CCDC14: variants seen among roughly 807,000 people sequenced by gnomAD.
The protein encoded by CCDC14 is coiled-coil domain-containing protein 14.
CCDC14 carries 71 observed loss-of-function variants against 81.4 expected under a neutral mutation model. The observed-to-expected ratio is 0.87, with a 90% confidence interval of 0.72 to 1.06. The LOEUF (loss-of-function observed/expected upper bound fraction) is 1.06, where lower values mean the gene tolerates loss of function less well. Among genes scored for constraint, CCDC14 ranks in the 50% least tolerant of loss-of-function variants. The pLI, the probability that CCDC14 is intolerant of heterozygous loss-of-function variation, is 0.00. For missense variants in CCDC14, 1,046 were observed against 1,047.3 expected, an observed-to-expected ratio of 1.00 and a Z score of 0.02; for synonymous variants, 332 against 364.8, an observed-to-expected ratio of 0.91 and a Z score of 1.03.
At chr3:123,927,032 G>A (rs1439652710) in intron 12 of CCDC14, among the ~76,000 whole-genome samples, 3 of 152,054 alleles carry the variant, frequency 2.0e-5, no homozygotes, top group Non-Finnish European at 4.4e-5. Flanking sequence ...GAATTGCATA[G>A]GGTGTCATCA....
rs1353800173 is a variant in CCDC14 at position 123,914,738 on chromosome 3, C to A, written c.*41G>T. The A allele has an allele frequency of 1.4e-6, 2 of 1,467,126 alleles. No individual in the cohort carries two copies. The highest frequency in any genetic ancestry group is 1.4e-5 in the African/African-American group (1 of 69,972). 90.9% of individuals were successfully genotyped at this position (1,467,126 alleles called of 1,614,324 possible). A position where few individuals can be genotyped will look rare whatever the true frequency, so the allele number is the denominator to read the frequency against. ...AATACACATTCAATATAGCCAAGTT[C>A]TAGTTTTAAAAAGAAGCACCTGATG... On this transcript the variant is annotated 3_prime_UTR_variant, in exon 13 of 13. Transcript: ENST00000409697.
intron 5 of CCDC14, among the ~76,000 whole-genome samples, chr3:123,951,349 T>C (rs967756560): frequency 2.2e-4 from 34 of 152,204 alleles, no homozygotes; most frequent in African/African-American, 8.0e-4. Context: ...AATAAACCTC[T>C]GAACATGTCC....
chr3:123,915,691 A>C lies in CCDC14; in HGVS notation c.1806T>G (p.Leu602=). The C allele has an allele frequency of 6.2e-7, 1 of 1,612,700 alleles. No individual in the cohort carries two copies. Among genetic ancestry groups the C allele is most frequent in the Non-Finnish European group, 8.5e-7 (1 of 1,179,432 alleles). Residue 602 remains leucine, a synonymous_variant, in exon 13 of 13, where the codon CTT becomes CTG. Transcript: ENST00000409697. ...CACTGTCCACACTAAGATCGGAGAG[A>C]AGCTTTGCCATGCTAGTCTGTAAAG... ...TRTLQTSMAK[L]LSDLSVDSAR...
At chr3:123,949,439 C>T (rs1373151909) in intron 5 of CCDC14, 4 of 301,044 alleles carry the variant, frequency 1.3e-5, no homozygotes, top group African/African-American at 2.1e-5. Flanking sequence ...TTATATTATC[C>T]CTAAAGTCCA....
chr3:123,956,643 GC>G, intron 2 of CCDC14, 96 bp downstream of exon 2: 1 of 934,754 alleles, frequency 1.1e-6, no homozygotes, highest in Non-Finnish European at 1.6e-6. Context: ...GATGGTAGAG[GC>G]CTACCTAATT....
the CCDC14 span, among the ~76,000 whole-genome samples, chr3:123,885,367 C>A: frequency 6.6e-6 from 1 of 152,024 alleles, no homozygotes; most frequent in African/African-American, 2.4e-5. Flanking sequence ...TGACAACCCC[C>A]TTTCTCCCTC....
At chr3:123,905,733 G>T (rs1183229058) in intron 5 of CCDC14, among the ~76,000 whole-genome samples, 2 of 152,176 alleles carry the variant, frequency 1.3e-5, no homozygotes, top group Non-Finnish European at 2.9e-5. Flanking sequence ...TACATTATCT[G>T]TCCAGGTAGC....
At chr3:123,913,280 C>T (rs1577213456), downstream of CCDC14, 1 of 617,484 alleles carries the variant, frequency 1.6e-6, no homozygotes. Context: ...ATTAATTGAA[C>T]ACACAAGCGT....
intron 12 of CCDC14, among the ~76,000 whole-genome samples, chr3:123,919,453 C>T (rs2034910284): frequency 6.6e-6 from 1 of 152,162 alleles, no homozygotes; most frequent in Non-Finnish European, 1.5e-5. Flanking sequence ...CGCAACCCTG[C>T]CCAATTAGAT....
chr3:123,890,679 A>C, the CCDC14 span, among the ~76,000 whole-genome samples: 1 of 152,160 alleles, frequency 6.6e-6, no homozygotes, highest in Non-Finnish European at 1.5e-5. Flanking sequence ...GTGGCTTTGC[A>C]GGATGTAGCC....
In CCDC14 at chr3:123,915,337, T is replaced by A. The variant is rs1482006063; in HGVS notation, c.2160A>T (p.Ile720=). 1.9e-6 allele frequency: 3 copies of A among 1,613,956 alleles called. No homozygotes were observed. Among genetic ancestry groups the A allele is most frequent in the Non-Finnish European group, 2.5e-6 (3 of 1,179,886 alleles). The part of the protein sequence containing the change: ...SDEGSETMAL[I]EDEHNLDNTI... ...TATTATCCAAATTATGCTCATCTTC[T>A]ATTAAAGCCATAGTTTCACTCCCTT... The change falls in exon 13 of 13, where the codon ATA becomes ATT. Residue 720 remains isoleucine, a synonymous_variant. Coordinates refer to ENST00000409697, the MANE Select transcript of CCDC14 (RefSeq NM_001366335.1).
chr3:123,886,053 C>T, the CCDC14 span, among the ~76,000 whole-genome samples: 10 of 151,958 alleles, frequency 6.6e-5, no homozygotes, highest in South Asian at 1.2e-3. Context: ...TTTCCATCTA[C>T]GATATTAGAG....
intron 3 of CCDC14, 67 bp downstream of exon 3, chr3:123,956,288 T>C: frequency 2.3e-6 from 3 of 1,318,242 alleles, no homozygotes; most frequent in Non-Finnish European, 3.1e-6. Flanking sequence ...TTGCATTTTA[T>C]TCCTACTTTT....
chr3:123,903,102 T>C (rs923965266), intron 5 of CCDC14, among the ~76,000 whole-genome samples: 2 of 152,018 alleles, frequency 1.3e-5, no homozygotes, highest in African/African-American at 2.4e-5. Context: ...TAGAAATACA[T>C]TTATACTTAT....
rs143138015 is a variant in CCDC14 at position 123,922,044 on chromosome 3, C to T, written c.1779-6326G>A. On this transcript the variant is annotated intron_variant, in intron 12 of 12. Coordinates refer to ENST00000409697, the MANE Select transcript of CCDC14 (RefSeq NM_001366335.1). Reference sequence around the variant, plus strand: ...CATACCAAGCATCTTCCGATTCCAACGGCATGAAACTAGGAATCAATAACG... The same window carrying T: ...CATACCAAGCATCTTCCGATTCCAATGGCATGAAACTAGGAATCAATAACG... Among the ~76,000 whole-genome samples, 9 of 152,246 alleles carry T rather than the reference C, an allele frequency of 5.9e-5. No homozygotes were observed. In the South Asian group the frequency reaches 6.2e-4, roughly 11 times the overall value.
intron 12 of CCDC14, among the ~76,000 whole-genome samples, chr3:123,923,264 T>A (rs1036280568): frequency 2.2e-4 from 34 of 152,010 alleles, no homozygotes; most frequent in African/African-American, 8.0e-4. Context: ...AGATTCCGTA[T>A]AGAAGGAATG....
intron 5 of CCDC14, chr3:123,954,116 CCCTGGATAAGAAATAA>C (rs2037195850): frequency 6.6e-6 from 1 of 152,100 alleles, no homozygotes; most frequent in Non-Finnish European, 1.5e-5. Context: ...AGGAAAGGTG[CCCTGGATAAGAAATAA>C]CCTGCCTACA....
chr3:123,909,194 T>G (rs892858299), downstream of CCDC14, among the ~76,000 whole-genome samples: 1 of 152,112 alleles, frequency 6.6e-6, no homozygotes, highest in Non-Finnish European at 1.5e-5. Context: ...GATGGTGGGA[T>G]GAAAATATGT....
rs1433765878 is a variant in CCDC14, at chr3:123,947,393, TATATGAA to T, written c.685-81_685-75del. Reference sequence around the variant, plus strand: ...AGGTATTAATTACAACAAACTCAAATATATGAAATATATTTATTAAAACATGTTTATT... The same window carrying T: ...AGGTATTAATTACAACAAACTCAAATATATATTTATTAAAACATGTTTATT... On this transcript the variant is annotated intron_variant, in intron 7 of 12. Coordinates refer to ENST00000409697, the MANE Select transcript of CCDC14 (RefSeq NM_001366335.1). The T allele has an allele frequency of 1.5e-5, 14 of 941,374 alleles. No individual in the cohort carries two copies. In the Middle Eastern group the frequency reaches 8.2e-4, roughly 55 times the overall value. 58.3% of individuals were successfully genotyped at this position (941,374 alleles called of 1,614,324 possible).
Sources: gnomAD v4.1 joint callset for allele counts (sites outside exome capture counted in the v4.1 genomes callset) on GRCh38, gnomAD v4.1.1 for gene constraint, MANE v1.5 for transcripts, NCBI Gene and HGNC (gene_info 2026-07-23, HGNC 2026-07-21) for gene names.